PACRGL: variants seen among roughly 807,000 people sequenced by gnomAD.
PACRGL encodes parkin coregulated like.
Under a neutral mutation model 34.5 loss-of-function variants are expected in PACRGL, and 38 were observed. The ratio of observed to expected loss-of-function variants is 1.10; its 90% CI spans 0.85 to 1.44. The LOEUF (loss-of-function observed/expected upper bound fraction) is 1.44, where lower values mean the gene tolerates loss of function less well. PACRGL is among the 40% of genes most tolerant of loss of function. The pLI is 0.00. For synonymous variants in PACRGL, 128 were observed against 100.1 expected (o/e 1.28, Z -1.66); for missense variants, 305 against 281.4 (o/e 1.08, Z -0.60).
Position 20,729,553 on chromosome 4 carries a change from A to AGAAACTGGAACTATGTGTTTT in PACRGL, c.*2213_*2233dup, listed in dbSNP as rs1316685057. On this transcript the variant is annotated 3_prime_UTR_variant, in exon 9 of 9. Coordinates refer to ENST00000503585, the MANE Select transcript of PACRGL (RefSeq NM_001258345.3). ...TTCTAACAGAAGGTGGGAAGGCCAT[A>AGAAACTGGAACTATGTGTTTT]GAAACTGGAACTATGTGTTTTTTTA... 2 of 151,544 alleles carry AGAAACTGGAACTATGTGTTTT rather than the reference A, an allele frequency of 1.3e-5. No individual in the cohort carries two copies. Among genetic ancestry groups the AGAAACTGGAACTATGTGTTTT allele is most frequent in the African/African-American group, 4.8e-5 (2 of 41,286 alleles). The allele number at this position is 151,544 out of a possible 1,614,324, so 9.4% of individuals were successfully genotyped here.
chr4:20,714,277 T>G (rs1256480008), intron 7 of PACRGL, among the ~76,000 whole-genome samples: 5 of 152,188 alleles, frequency 3.3e-5, no homozygotes, highest in Non-Finnish European at 7.3e-5. Context: ...TCTTTTGATC[T>G]TTGTTGGTTT....
chr4:20,734,750 AAATTC>A (rs757361979), downstream of PACRGL: 4 of 1,457,326 alleles, frequency 2.7e-6, no homozygotes, highest in Non-Finnish European at 3.8e-6. Context: ...AAAGAAATAA[AAATTC>A]AATTTTATAT....
chr4:20,707,991 C>T, intron 4 of PACRGL, 121 bp downstream of exon 4: 3 of 759,832 alleles, frequency 3.9e-6, no homozygotes, highest in Non-Finnish European at 6.5e-6. Context: ...ATAAAGATGA[C>T]TTTATTCACA....
At position 20,749,655 on chromosome 4, in the gene PACRGL, A is replaced by G. The variant is rs2322688; in HGVS notation, c.*57-2910A>G. The G allele has an allele frequency of 0.31, 480,100 of 1,574,060 alleles. 76,158 individuals are homozygous for G. Among genetic ancestry groups the G allele is most frequent in the African/African-American group, 0.44 (32,435 of 73,976 alleles). ...GTCAAATGATATGAAAATAATCCAG[A>G]GCTTACCTCGAAACTCACAGCTCCA... On this transcript the variant is annotated intron_variant, in intron 8 of 8. Coordinates refer to the PACRGL transcript ENST00000507634.
chr4:20,739,074 A>G (rs1192242535), intron 8 of PACRGL, among the ~76,000 whole-genome samples: 2 of 152,218 alleles, frequency 1.3e-5, no homozygotes, highest in African/African-American at 4.8e-5. Context: ...TTGACTAGGT[A>G]AAGCAGCCAG....
chr4:20,712,582 G>A, intron 5 of PACRGL: 1 of 402,218 alleles, frequency 2.5e-6, no homozygotes, highest in Non-Finnish European at 4.3e-6. Flanking sequence ...GGGGGCCCTG[G>A]AACCAGTTTC....
At chr4:20,754,167 A>G (rs74333603), downstream of PACRGL, among the ~76,000 whole-genome samples, 445 of 152,266 alleles carry the variant, frequency 2.9e-3, 3 homozygotes, top group South Asian at 0.01. Flanking sequence ...CAGTAGGCAT[A>G]CTTTATCCCC....
chr4:20,758,586 A>G, the PACRGL span, among the ~76,000 whole-genome samples: 2 of 152,192 alleles, frequency 1.3e-5, no homozygotes, highest in Non-Finnish European at 2.9e-5. Context: ...GAGCCACAGT[A>G]CTGGGCACAC....
chr4:20,731,996 C>T lies in PACRGL; in HGVS notation c.*4655C>T, dbSNP rs779338123. The T allele has an allele frequency of 1.2e-6, 2 of 1,613,102 alleles. No individual in the cohort carries two copies. The highest frequency in any genetic ancestry group is 1.7e-6 in the Non-Finnish European group (2 of 1,179,684). ...GCTGAATTGATAGTTATTACACTTT[C>T]ATTACTTACTTTTTGGCAGCTTTCA... On this transcript the variant is annotated 3_prime_UTR_variant, in exon 9 of 9. Transcript: ENST00000503585.
the PACRGL span, among the ~76,000 whole-genome samples, chr4:20,761,327 C>G: frequency 6.6e-6 from 1 of 152,186 alleles, no homozygotes; most frequent in East Asian, 1.9e-4. Context: ...TTCCATTTCT[C>G]TGAAGGACCC....
downstream of PACRGL, among the ~76,000 whole-genome samples, chr4:20,737,123 A>G (rs577242053): frequency 1.9e-4 from 29 of 152,216 alleles, no homozygotes; most frequent in South Asian, 6.0e-3. Context: ...TCCCATTGGC[A>G]TGAAGGGTAG....
chr4:20,704,323 C>G (rs1700695469), intron 1 of PACRGL, 143 bp from the exon 2 acceptor site: 2 of 642,226 alleles, frequency 3.1e-6, no homozygotes, highest in Non-Finnish European at 5.3e-6. Context: ...TCTCATTAGT[C>G]TTTTCCAGTA....
chr4:20,766,010 T>A, the PACRGL span, among the ~76,000 whole-genome samples: 1 of 152,206 alleles, frequency 6.6e-6, no homozygotes. Context: ...TAATACTTTA[T>A]TGGTATTGAT....
chr4:20,759,791 G>A, the PACRGL span, among the ~76,000 whole-genome samples: 1 of 152,120 alleles, frequency 6.6e-6, no homozygotes, highest in South Asian at 2.1e-4. Flanking sequence ...AAGAATTTAG[G>A]CGTAGAGGCC....
chr4:20,738,794 G>A (rs368101065), intron 8 of PACRGL, among the ~76,000 whole-genome samples: 47 of 152,250 alleles, frequency 3.1e-4, no homozygotes, highest in Middle Eastern at 6.8e-3. Context: ...GTGGGGCATC[G>A]CCTCACCCAG....
At chr4:20,748,727 A>T (rs1752972592) in intron 8 of PACRGL, among the ~76,000 whole-genome samples, 1 of 149,952 alleles carries the variant, frequency 6.7e-6, no homozygotes, top group Non-Finnish European at 1.5e-5. Context: ...TAAATGAGGT[A>T]TACATTTCTC....
intron 8 of PACRGL, among the ~76,000 whole-genome samples, chr4:20,750,991 A>T (rs1029993107): frequency 9.2e-5 from 14 of 152,160 alleles, no homozygotes; most frequent in Non-Finnish European, 1.9e-4. Flanking sequence ...TTGCCCTCTG[A>T]GGAGGCCATC....
Position 20,730,155 on chromosome 4 carries a change from T to G in PACRGL, c.*2814T>G, listed in dbSNP as rs769319057. 6.3e-7 allele frequency: 1 copy of G among 1,591,066 alleles called. No individual in the cohort carries two copies. The highest frequency in any genetic ancestry group is 2.3e-5 in the East Asian group (1 of 43,916). ...CTGTAAGGGAGAAACACAGAGCGAT[T>G]AAATTCAGCATATCTGCAAGGAAAA... is the stretch of plus-strand genomic sequence containing the variant. On this transcript the variant is annotated 3_prime_UTR_variant, in exon 9 of 9. Coordinates refer to ENST00000503585, the MANE Select transcript of PACRGL (RefSeq NM_001258345.3).
chr4:20,715,544 A>G (rs1372126267), intron 7 of PACRGL, among the ~76,000 whole-genome samples: 1 of 152,086 alleles, frequency 6.6e-6, no homozygotes, highest in East Asian at 1.9e-4. Context: ...AATGGAAAGC[A>G]CCTACATGAG....
Sources: gnomAD v4.1 joint callset for allele counts (sites outside exome capture counted in the v4.1 genomes callset) on GRCh38, gnomAD v4.1.1 for gene constraint, MANE v1.5 for transcripts, NCBI Gene and HGNC (gene_info 2026-07-23, HGNC 2026-07-21) for gene names.